Variants in HUWE1 observed in about 807,000 individuals in gnomAD.
HUWE1 encodes E3 ubiquitin-protein ligase HUWE1.
HUWE1 carries 18 observed loss-of-function variants against 299.4 expected under a neutral mutation model. The ratio of observed to expected loss-of-function variants is 0.06; its 90% CI spans 0.04 to 0.09. The LOEUF (loss-of-function observed/expected upper bound fraction) is 0.09, where lower values mean the gene tolerates loss of function less well. HUWE1 is among the 10% of genes least tolerant of loss of function. HUWE1 has a pLI of 1.00. For synonymous variants in HUWE1, 1,317 were observed against 1,286.1 expected, an observed-to-expected ratio of 1.02 and a Z score of -0.51; for missense variants, 1,832 against 3,462.3, an observed-to-expected ratio of 0.53 and a Z score of 11.82.
At chrX:53,537,480 C>T (rs2061118201) in intron 78 of HUWE1, 76 bp downstream of exon 78, 2 of 1,083,972 alleles carry the variant, frequency 1.8e-6, no homozygotes, top group African/African-American at 3.7e-5. Context: ...AAATTTGAGG[C>T]TAGAGCAAGC....
Position 53,539,792 on chromosome X carries a change from C to T in HUWE1, c.11497G>A (p.Gly3833Arg), listed in dbSNP as rs782335134. Residue 3833 changes from glycine to arginine, a missense_variant, in exon 75 of 84, where the codon GGG becomes AGG. Physicochemically the swap from Gly to Arg is moderately radical, Grantham distance 125 (BLOSUM62 -2). This residue lies in a region of HUWE1 where 27 missense variants were observed against 21.1 expected (regional missense o/e 1.28). Coordinates refer to ENST00000262854, the MANE Select transcript of HUWE1 (RefSeq NM_031407.7). ...QSIASDGTPQ[G>R]EKEKEERPPE... Reference sequence around the variant, plus strand: ...GGTCTTTCTTCCTTTTCCTTCTCCCCCTGTGGGGTTCCATCGGAGGCTGGA... The same window carrying T: ...GGTCTTTCTTCCTTTTCCTTCTCCCTCTGTGGGGTTCCATCGGAGGCTGGA... 2.5e-6 allele frequency: 3 copies of T among 1,208,828 alleles called. No individual in the cohort carries two copies. The highest frequency in any genetic ancestry group is 1.8e-5 in the South Asian group (1 of 56,454).
chrX:53,636,508 G>C (rs1256562920), intron 7 of HUWE1, among the ~76,000 whole-genome samples: 7 of 112,370 alleles, frequency 6.2e-5, no homozygotes, highest in Non-Finnish European at 1.3e-4. Flanking sequence ...CAGATCACCT[G>C]AGGTCAGGAG....
At chrX:53,660,015 T>C (rs2068922006) in intron 3 of HUWE1, among the ~76,000 whole-genome samples, 1 of 112,313 alleles carries the variant, frequency 8.9e-6, no homozygotes, top group Admixed American at 9.4e-5. Flanking sequence ...TGTTTTGACC[T>C]AGTGTACTAT....
chrX:53,649,033 C>A (rs782509572), intron 4 of HUWE1, among the ~76,000 whole-genome samples: 17 of 111,780 alleles, frequency 1.5e-4, no homozygotes, highest in Non-Finnish European at 3.2e-4. Flanking sequence ...TAATGAATGG[C>A]AGCTGGGAGA....
At chrX:53,566,718 T>G (rs1453564141) in intron 49 of HUWE1, among the ~76,000 whole-genome samples, 1 of 111,470 alleles carries the variant, frequency 9.0e-6, no homozygotes, top group East Asian at 2.8e-4. Context: ...GTGATCAAAT[T>G]TAGCATCACA....
intron 3 of HUWE1, among the ~76,000 whole-genome samples, chrX:53,670,838 G>A (rs782789196): frequency 5.4e-5 from 6 of 111,381 alleles, no homozygotes; most frequent in Admixed American, 9.5e-5. Flanking sequence ...ATACGTGTAC[G>A]TACGTATATG....
chrX:53,551,082 G>T lies in HUWE1; in HGVS notation c.9204C>A (p.Asp3068Glu). The T allele has an allele frequency of 8.3e-7, 1 of 1,211,875 alleles. No homozygotes were observed. Among genetic ancestry groups the T allele is most frequent in the Non-Finnish European group, 1.1e-6 (1 of 895,441 alleles). The change falls in exon 65 of 84, where the codon GAC becomes GAA. Residue 3068 changes from aspartate (D) to glutamate (E), a missense_variant. Asp to Glu is a conservative substitution (Grantham distance 45). Transcript: ENST00000262854. ...TATCCTCTAGGACACTACGGCGCAGGTCTGAGGGCAGAGTCTGGATGAAGG... is the reference window on the plus strand; with the variant it reads ...TATCCTCTAGGACACTACGGCGCAGTTCTGAGGGCAGAGTCTGGATGAAGG... ...PVTFIQTLPS[D>E]LRRSVLEDME...
At chrX:53,545,509 C>A (rs1556921972) in intron 70 of HUWE1, among the ~76,000 whole-genome samples, 1 of 111,225 alleles carries the variant, frequency 9.0e-6, no homozygotes, top group East Asian at 2.8e-4. Flanking sequence ...ATTTCTTGAC[C>A]CCTTACCCAA....
intron 3 of HUWE1, among the ~76,000 whole-genome samples, chrX:53,662,845 A>C (rs1304897136): frequency 8.9e-6 from 1 of 111,782 alleles, no homozygotes; most frequent in Non-Finnish European, 1.9e-5. Flanking sequence ...TCAAGCCTAT[A>C]ATCTTAGCAC....
rs1173093231 is a variant in HUWE1, at chrX:53,600,285, C to A, written c.2996G>T (p.Gly999Val). ...GCCCTGGGTAGAAGCATCCATACTT[C>A]CAGCTGCTCCATCCTGTTCCCCATC... ...RSDGEQDGAA[G>V]SMDASTQGLL... Residue 999 changes from glycine (G) to valine (V), a missense_variant, in exon 29 of 84, where the codon GGA becomes GTA. By Grantham distance (109) the Gly-to-Val change is moderately radical. Coordinates refer to ENST00000262854, the MANE Select transcript of HUWE1 (RefSeq NM_031407.7). The A allele has an allele frequency of 8.3e-7, 1 of 1,205,739 alleles. No homozygotes were observed. Among genetic ancestry groups the A allele is most frequent in the Non-Finnish European group, 1.1e-6 (1 of 892,023 alleles).
At position 53,575,673 on chromosome X, in the gene HUWE1, G is replaced by A; in HGVS notation, c.6000C>T (p.Asp2000=). The A allele has an allele frequency of 8.3e-7, 1 of 1,211,650 alleles. No homozygotes were observed. Among genetic ancestry groups the A allele is most frequent in the African/African-American group, 1.7e-5 (1 of 57,870 alleles). Residue 2000 remains aspartate (D), a synonymous_variant, in exon 45 of 84, where the codon GAC becomes GAT. Transcript: ENST00000262854. ...TGGAAAAACCTGACTGCGTATCAAA[G>A]TCACTGCTCTGACGCGTAAGTGACC... The part of the protein sequence containing the change: ...QYRSLTRQSS[D]FDTQSGFSIN...
chrX:53,647,099 C>T (rs782323427), intron 6 of HUWE1, among the ~76,000 whole-genome samples: 2 of 111,713 alleles, frequency 1.8e-5, no homozygotes, highest in South Asian at 7.5e-4. Flanking sequence ...ATGCAAATTT[C>T]CTTAAATACT....
chrX:53,548,852 TAAAATA>T, intron 67 of HUWE1, 101 bp downstream of exon 67: 1 of 692,537 alleles, frequency 1.4e-6, no homozygotes, highest in Non-Finnish European at 2.2e-6. Context: ...GCTCAACACT[TAAAATA>T]AGAGCAAAAA....
intron 46 of HUWE1, 66 bp downstream of exon 46, chrX:53,575,089 C>A: frequency 1.2e-6 from 1 of 829,105 alleles, no homozygotes; most frequent in South Asian, 2.1e-5. Context: ...CACAGGACAC[C>A]TACAGTTTTT....
At chrX:53,581,086 A>G (rs1174202557) in intron 42 of HUWE1, 60 bp from the exon 43 acceptor site, 2 of 961,412 alleles carry the variant, frequency 2.1e-6, no homozygotes, top group African/African-American at 3.9e-5. Context: ...ATACAACTGC[A>G]GTCAAGAGTT....
At chrX:53,556,124 ACCATCTGTC>A in intron 60 of HUWE1, 5 of 329,216 alleles carry the variant, frequency 1.5e-5, no homozygotes, top group South Asian at 1.4e-4. Flanking sequence ...CACCCTAAAC[ACCATCTGTC>A]CCCTTCCATG....
intron 49 of HUWE1, among the ~76,000 whole-genome samples, chrX:53,566,133 GTATATATATATATA>G (rs71830310): frequency 2.6e-4 from 10 of 38,970 alleles, no homozygotes; most frequent in South Asian, 1.4e-3. Context: ...GTGTGTGTGT[GTATATATATATATA>G]TATATATATA....
At chrX:53,590,302 T>G in intron 35 of HUWE1, 102 bp downstream of exon 35, 1 of 611,816 alleles carries the variant, frequency 1.6e-6, no homozygotes, top group Non-Finnish European at 2.8e-6. Context: ...TGTCTTCCTT[T>G]AGATTTGAAT....
chrX:53,572,825 T>C (rs903624140), intron 47 of HUWE1, among the ~76,000 whole-genome samples: 4 of 111,773 alleles, frequency 3.6e-5, no homozygotes, highest in African/African-American at 1.3e-4. Context: ...TATGGTTTAT[T>C]CAACTGTCCT....
Sources: gnomAD v4.1 joint callset for allele counts (sites outside exome capture counted in the v4.1 genomes callset) on GRCh38, gnomAD v4.1.1 for gene constraint, gnomAD v4.1.1 regional missense constraint, MANE v1.5 for transcripts, NCBI Gene and HGNC (gene_info 2026-07-23, HGNC 2026-07-21) for gene names.